FLT4: variants seen among roughly 807,000 people sequenced by gnomAD.
The protein encoded by FLT4 is vascular endothelial growth factor receptor 3.
In FLT4, 30 loss-of-function variants were observed where a neutral mutation model predicts 163.2. The observed-to-expected ratio is 0.18, with a 90% confidence interval of 0.14 to 0.25. FLT4 has a LOEUF of 0.25. Among genes scored for constraint, FLT4 ranks in the 10% least tolerant of loss-of-function variants. The pLI is 1.00. For synonymous variants in FLT4, 884 were observed against 789.5 expected (o/e 1.12, Z -2.01); for missense variants, 1,510 against 1,863.8 (o/e 0.81, Z 3.50).
chr5:180,621,405 C>G, intron 13 of FLT4, 137 bp downstream of exon 13: 1 of 1,431,834 alleles, frequency 7.0e-7, no homozygotes, highest in Non-Finnish European at 9.4e-7. Context: ...CAGGGGGCGG[C>G]GGATAGTCAG....
At position 180,621,155 on chromosome 5, in the gene FLT4, C is replaced by A; in HGVS notation, c.2118G>T (p.Ala706=). 1 of 1,612,822 alleles carries A rather than the reference C, an allele frequency of 6.2e-7. No homozygotes were observed. The highest frequency in any genetic ancestry group is 8.5e-7 in the Non-Finnish European group (1 of 1,180,004). Residue 706 remains alanine (A), a synonymous_variant, in exon 14 of 30, where the codon GCG becomes GCT. Transcript: ENST00000261937. ...EMQCLVAGAH[A]PSIVWYKDER... is the part of the protein sequence containing the mutation. ...CGTCTTTGTACCACACGATGCTGGG[C>A]GCGTGCGCTCCGGCCACCAAGCACT...
chr5:180,627,708 G>A (rs779564242), intron 8 of FLT4, among the ~76,000 whole-genome samples: 5 of 152,222 alleles, frequency 3.3e-5, no homozygotes, highest in African/African-American at 4.8e-5. Flanking sequence ...AGCTGCCTGA[G>A]GACTGGGTAG....
intron 29 of FLT4, 117 bp from the exon 30 acceptor site, chr5:180,603,507 T>A: frequency 2.2e-6 from 2 of 910,062 alleles, no homozygotes; most frequent in East Asian, 5.2e-5. Context: ...AGGCCAGGAG[T>A]TAGAGTCCAG....
At chr5:180,614,754 G>A (rs955220965) in intron 23 of FLT4, among the ~76,000 whole-genome samples, 4 of 152,058 alleles carry the variant, frequency 2.6e-5, no homozygotes, top group Admixed American at 6.6e-5. Flanking sequence ...CCCAGCTTAC[G>A]GCATAAGGGA....
chr5:180,649,536 C>A lies in FLT4; in HGVS notation c.10G>T (p.Gly4Cys). Residue 4 changes from glycine to cysteine, a missense_variant, in exon 1 of 30, where the codon GGC (glycine) becomes TGC (cysteine). Transcript: ENST00000261937. MQR[G>C]AALCLRLWLC... ...CACAGTCGCAGGCACAGCGCGGCGC[C>A]CCGCTGCATCTCCGGCCGCTGCGCG... 1 of 1,438,978 alleles carries A rather than the reference C, an allele frequency of 6.9e-7. No homozygotes were observed. Among genetic ancestry groups the A allele is most frequent in the Non-Finnish European group, 9.1e-7 (1 of 1,096,052 alleles). 89.1% of individuals were successfully genotyped at this position (1,438,978 alleles called of 1,614,324 possible).
At chr5:180,608,820 A>G in intron 29 of FLT4, 148 bp downstream of exon 29, 1 of 733,732 alleles carries the variant, frequency 1.4e-6, no homozygotes, top group Non-Finnish European at 2.5e-6. Flanking sequence ...GAGGGGTCTC[A>G]GGCAGCTCAC....
At chr5:180,625,763 G>A (rs1334019848) in intron 10 of FLT4, 106 bp downstream of exon 10, 5 of 1,050,620 alleles carry the variant, frequency 4.8e-6, no homozygotes, top group Middle Eastern at 2.9e-4. Context: ...CTGAGAAGGG[G>A]TACAGGGAAG....
chr5:180,650,138 A>G (rs988170289), upstream of FLT4, among the ~76,000 whole-genome samples: 1 of 143,860 alleles, frequency 7.0e-6, no homozygotes, highest in African/African-American at 2.6e-5. Context: ...CAGTGAGCCG[A>G]GATCGCGCCA....
chr5:180,622,002 C>CT (rs397768242), intron 12 of FLT4, 98 bp from the exon 13 acceptor site: 1 of 1,516,360 alleles, frequency 6.6e-7, no homozygotes, highest in African/African-American at 1.4e-5. Context: ...CTCCCTCCCT[C>CT]TCTCCTGGAG....
intron 26 of FLT4, 142 bp from the exon 27 acceptor site, chr5:180,611,621 G>T (rs1376253062): frequency 2.3e-5 from 19 of 829,586 alleles, no homozygotes; most frequent in Non-Finnish European, 3.3e-5. Context: ...TCTCGCCCCC[G>T]CCCTCGCCCT....
intron 1 of FLT4, among the ~76,000 whole-genome samples, chr5:180,639,462 G>A (rs1430276888): frequency 1.3e-5 from 2 of 152,064 alleles, no homozygotes; most frequent in African/African-American, 4.8e-5. Context: ...TGGGTAGATT[G>A]AACAGAAGGA....
intron 1 of FLT4, among the ~76,000 whole-genome samples, chr5:180,638,797 G>A (rs1455842676): frequency 2.0e-5 from 3 of 152,124 alleles, no homozygotes; most frequent in South Asian, 2.1e-4. Context: ...GGCTGCTTAC[G>A]GCATCTTTCC....
At chr5:180,634,945 C>G (rs866081915) in intron 1 of FLT4, among the ~76,000 whole-genome samples, 1 of 1,900 alleles carries the variant, frequency 5.3e-4, no homozygotes, top group African/African-American at 2.2e-3. Context: ...TGGATGGATG[C>G]ATGGAGGGAA....
At chr5:180,649,686 C>G, upstream of FLT4, 1 of 241,366 alleles carries the variant, frequency 4.1e-6, no homozygotes, top group Non-Finnish European at 7.0e-6. Context: ...GCTCCCCGCG[C>G]CCCCCTCCCC....
chr5:180,637,390 C>T (rs1764770543), intron 1 of FLT4, among the ~76,000 whole-genome samples: 1 of 151,758 alleles, frequency 6.6e-6, no homozygotes, highest in Non-Finnish European at 1.5e-5. Context: ...CATCCCAAAA[C>T]CCACACTGCC....
intron 10 of FLT4, 75 bp downstream of exon 10, chr5:180,625,794 T>C (rs1763554606): frequency 1.4e-6 from 2 of 1,399,066 alleles, no homozygotes; most frequent in Non-Finnish European, 1.0e-6. Flanking sequence ...TGAGGGGTGC[T>C]GTAAAGGAGG....
intron 8 of FLT4, 136 bp downstream of exon 8, chr5:180,628,744 TGA>T: frequency 1.5e-6 from 1 of 674,536 alleles, no homozygotes; most frequent in Non-Finnish European, 2.6e-6. Flanking sequence ...GGGGGTCTCC[TGA>T]GAGAGGCCCC....
rs1200241249 is a variant in FLT4, at chr5:180,630,818, G to A, written c.156-19C>T. 1 of 1,591,160 alleles carries A rather than the reference G, an allele frequency of 6.3e-7. No individual in the cohort carries two copies. The highest frequency in any genetic ancestry group is 1.1e-5 in the South Asian group (1 of 90,282). On this transcript the variant is annotated intron_variant, in intron 2 of 29. Coordinates refer to ENST00000261937, the MANE Select transcript of FLT4 (RefSeq NM_182925.5). This position sits in a 1 kb window ranked among gnomAD's most constrained non-coding sequence, Gnocchi z 6.3. ...CTGTCCCCTGGCAGAGGACAGGAGT[G>A]GTCAGGTGGGCCCCAGGGCAGCCCA...
In FLT4 at chr5:180,620,272, T is replaced by C. The variant is rs781112074; in HGVS notation, c.2443A>G (p.Ile815Val). ...GGCACCTCCCCGGGGTCCATGATGA[T>C]GGACAGGTAGCCCGTCTTGATGTCT... The part of the protein sequence containing the change: ...HADIKTGYLS[I>V]IMDPGEVPLE... Residue 815 changes from isoleucine (I) to valine (V), a missense_variant, in exon 17 of 30, where the codon ATC (isoleucine) becomes GTC (valine). Transcript: ENST00000261937. This position sits in a 1 kb window ranked among gnomAD's most constrained non-coding sequence, Gnocchi z 4.4. 1 of 1,612,004 alleles carries C rather than the reference T, an allele frequency of 6.2e-7. No homozygotes were observed. Among genetic ancestry groups the C allele is most frequent in the Admixed American group, 1.7e-5 (1 of 60,012 alleles).
Sources: gnomAD v4.1 joint callset for allele counts (sites outside exome capture counted in the v4.1 genomes callset) on GRCh38, gnomAD v4.1.1 for gene constraint, Gnocchi (gnomAD v3.1) non-coding constraint, MANE v1.5 for transcripts, NCBI Gene and HGNC (gene_info 2026-07-23, HGNC 2026-07-21) for gene names.